XYLT2: variants seen among roughly 807,000 people sequenced by gnomAD.
XYLT2 encodes xylosyltransferase 2.
XYLT2 carries 37 observed loss-of-function variants against 82.6 expected under a neutral mutation model. The ratio of observed to expected loss-of-function variants is 0.45; its 90% CI spans 0.34 to 0.59. The LOEUF (loss-of-function observed/expected upper bound fraction) is 0.59. Among genes scored for constraint, XYLT2 ranks in the 20% least tolerant of loss-of-function variants. The pLI, the probability that XYLT2 is intolerant of heterozygous loss-of-function variation, is 0.01. For missense variants in XYLT2, 934 were observed against 1,181.3 expected (o/e 0.79, Z 3.07); for synonymous variants, 474 against 499.0 (o/e 0.95, Z 0.67).
At position 50,360,989 on chromosome 17, in the gene XYLT2, A is replaced by G. The variant is rs1912784329; in HGVS notation, c.*698A>G. The G allele has an allele frequency of 1.0e-6, 1 of 985,886 alleles. No homozygotes were observed. The highest frequency in any genetic ancestry group is 1.2e-6 in the Non-Finnish European group (1 of 829,948). The allele number at this position is 985,886 out of a possible 1,614,324, so 61.1% of individuals were successfully genotyped here. A position where few individuals can be genotyped will look rare whatever the true frequency, so the allele number is the denominator to read the frequency against. ...GGAAAGGCAGGGTCAGGGCCCACTGAGACCCATGCAGAGTTTCCAGGTGTG... is the reference window on the plus strand; with the variant it reads ...GGAAAGGCAGGGTCAGGGCCCACTGGGACCCATGCAGAGTTTCCAGGTGTG... On this transcript the variant is annotated 3_prime_UTR_variant, in exon 11 of 11. Coordinates refer to ENST00000017003, the MANE Select transcript of XYLT2 (RefSeq NM_022167.4).
chr17:50,356,763 C>A lies in XYLT2; in HGVS notation c.1735C>A (p.Pro579Thr), dbSNP rs749710337. 6.2e-7 allele frequency: 1 copy of A among 1,602,934 alleles called. No homozygotes were observed. The highest frequency in any genetic ancestry group is 1.7e-5 in the Admixed American group (1 of 59,988). ...AATAAPPMGT[P>T]LCRFEPRGLP... ...CACTGCTGCACCCCCAATGGGCACC[C>A]CACTCTGCAGGTGAGACCCCCTTCT... Residue 579 changes from proline to threonine, a missense_variant, in exon 8 of 11, where the codon CCA becomes ACA. Physicochemically the swap from Pro to Thr is conservative, Grantham distance 38. Transcript: ENST00000017003.
At chr17:50,352,960 G>A (rs28646221) in intron 1 of XYLT2, among the ~76,000 whole-genome samples, 7,187 of 152,242 alleles carry the variant, frequency 0.047, 589 homozygotes, top group African/African-American at 0.16. Context: ...TTGCATGGCC[G>A]TCTCCTTTGC....
chr17:50,351,524 C>T (rs570399061), intron 1 of XYLT2, among the ~76,000 whole-genome samples: 2 of 152,272 alleles, frequency 1.3e-5, no homozygotes, highest in Non-Finnish European at 2.9e-5. Flanking sequence ...GTCCCAGCCT[C>T]TCGGGAGGCT....
At position 50,356,491 on chromosome 17, in the gene XYLT2, C is replaced by T. The variant is rs200066656; in HGVS notation, c.1483-20C>T. 6.4e-4 allele frequency: 1,039 copies of T among 1,612,286 alleles called. No homozygotes were observed. The highest frequency in any genetic ancestry group is 1.1e-3 in the Admixed American group (66 of 59,962). ...TGGGGCTTCCAGAGCCCTTCACCCT[C>T]CTTGCCTCTCCCACTCCAGCAAGTC... On this transcript the variant is annotated intron_variant, in intron 7 of 10. Transcript: ENST00000017003.
chr17:50,350,178 G>C (rs548422378), intron 1 of XYLT2, among the ~76,000 whole-genome samples: 12 of 16,424 alleles, frequency 7.3e-4, no homozygotes, highest in South Asian at 6.6e-3. Context: ...GTGAGACTGC[G>C]TCTCAAAAAA....
At position 50,356,716 on chromosome 17, in the gene XYLT2, GC is replaced by G; in HGVS notation, c.1690del (p.Leu564SerfsTer43). On this transcript the variant is annotated frameshift_variant, in exon 8 of 11. Transcript: ENST00000017003. LOFTEE classifies it high-confidence loss of function. ...CTCACTGCTTACACAGCCTTCGCCCGCCTCAGCCTGCACCATGCCGCCACTG... is the reference window on the plus strand; with the variant it reads ...CTCACTGCTTACACAGCCTTCGCCCGCTCAGCCTGCACCATGCCGCCACTG... ...VMLTAYTAFA[R>X]LSLHHAATAA... 1 of 1,609,928 alleles carries G rather than the reference GC, an allele frequency of 6.2e-7. No homozygotes were observed. Among genetic ancestry groups the G allele is most frequent in the Non-Finnish European group, 8.5e-7 (1 of 1,179,936 alleles).
At chr17:50,357,297 C>T (rs766619979) in intron 9 of XYLT2, 45 bp downstream of exon 9, 1 of 1,495,766 alleles carries the variant, frequency 6.7e-7, no homozygotes, top group Non-Finnish European at 8.9e-7. Flanking sequence ...CCCACCCAGA[C>T]TTGGGGTAGT....
In XYLT2 at chr17:50,356,607, C is replaced by G; in HGVS notation, c.1579C>G (p.Pro527Ala). The change falls in exon 8 of 11, where the codon CCC (proline) becomes GCC (alanine). Residue 527 changes from proline to alanine, a missense_variant. Around this residue, in one of 3 missense-constraint regions of XYLT2, gnomAD observed 374 missense variants for 465.6 expected, o/e 0.80. Coordinates refer to ENST00000017003, the MANE Select transcript of XYLT2 (RefSeq NM_022167.4). Reference protein sequence around the residue: ...ILDFHLYGSYPPGTPALKAYW... With the variant: ...ILDFHLYGSYAPGTPALKAYW... ...GGACTTCCACCTGTATGGCAGCTAC[C>G]CCCCCGGCACGCCAGCCCTCAAGGC... is the stretch of plus-strand genomic sequence containing the variant. 2 of 1,614,098 alleles carry G rather than the reference C, an allele frequency of 1.2e-6. No homozygotes were observed. The highest frequency in any genetic ancestry group is 8.5e-7 in the Non-Finnish European group (1 of 1,180,000).
Position 50,356,136 on chromosome 17 carries a change from G to A in XYLT2, c.1357G>A (p.Asp453Asn). 2 of 1,614,232 alleles carry A rather than the reference G, an allele frequency of 1.2e-6. No individual in the cohort carries two copies. Among genetic ancestry groups the A allele is most frequent in the Non-Finnish European group, 8.5e-7 (1 of 1,180,036 alleles). ...CAGCCTGGCCTGTGAGACCCTCGTG[G>A]ACAACAACCTGCGGGTCACCAACTG... ...ENSLACETLV[D>N]NNLRVTNWNR... The change falls in exon 7 of 11, where the codon GAC becomes AAC. Residue 453 changes from aspartate (D) to asparagine (N), a missense_variant. Asp to Asn is a conservative substitution (Grantham distance 23). Coordinates refer to ENST00000017003, the MANE Select transcript of XYLT2 (RefSeq NM_022167.4).
In XYLT2 at chr17:50,360,859, C is replaced by T. The variant is rs1028463612; in HGVS notation, c.*568C>T. 1.1e-5 allele frequency: 11 copies of T among 985,776 alleles called. No individual in the cohort carries two copies. Among genetic ancestry groups the T allele is most frequent in the South Asian group, 4.7e-5 (1 of 21,294 alleles). 61.1% of individuals were successfully genotyped at this position (985,776 alleles called of 1,614,324 possible). A position where few individuals can be genotyped will look rare whatever the true frequency, so the allele number is the denominator to read the frequency against. On this transcript the variant is annotated 3_prime_UTR_variant, in exon 11 of 11. Transcript: ENST00000017003. ...CCCGAAGAACAGGTGATATCGGGGG[C>T]GCTGCAGAGCTGGGCTCTAGCAGGA...
chr17:50,356,579 C>A lies in XYLT2; in HGVS notation c.1551C>A (p.Ile517=), dbSNP rs373325501. 1.9e-6 allele frequency: 3 copies of A among 1,614,040 alleles called. No homozygotes were observed. The highest frequency in any genetic ancestry group is 1.3e-5 in the African/African-American group (1 of 74,920). Residue 517 remains isoleucine, a synonymous_variant, in exon 8 of 11, where the codon ATC becomes ATA. Coordinates refer to ENST00000017003, the MANE Select transcript of XYLT2 (RefSeq NM_022167.4). ...ESTVNQEVLE[I]LDFHLYGSYP... ...CTGTGAACCAGGAGGTGCTGGAAAT[C>A]CTGGACTTCCACCTGTATGGCAGCT...
chr17:50,360,553 T>C lies in XYLT2; in HGVS notation c.*262T>C, dbSNP rs1045668665. On this transcript the variant is annotated 3_prime_UTR_variant, in exon 11 of 11. Coordinates refer to ENST00000017003, the MANE Select transcript of XYLT2 (RefSeq NM_022167.4). ...AGCTCTTCCTCACCTTCCTGTCTAG[T>C]TTGAATTTCTTTTTTTTCTTTTTTT... 1.6e-5 allele frequency: 19 copies of C among 1,222,914 alleles called. No individual in the cohort carries two copies. Among genetic ancestry groups the C allele is most frequent in the Non-Finnish European group, 1.9e-5 (19 of 983,888 alleles). 75.8% of individuals were successfully genotyped at this position (1,222,914 alleles called of 1,614,324 possible).
chr17:50,357,354 C>T, intron 9 of XYLT2, 102 bp downstream of exon 9: 1 of 1,236,364 alleles, frequency 8.1e-7, no homozygotes, highest in South Asian at 1.6e-5. Flanking sequence ...TTATTTTTCC[C>T]AGTCATGGCA....
chr17:50,359,991 AG>A lies in XYLT2; in HGVS notation c.2301del (p.Pro768HisfsTer14). ...CAGATGATGCCAGCTGGCTGCACGC[AG>A]GGCCACCCCACAACGAGTACATGGA... ...RKDDASWLHAGPPHNEYMEQS... is the reference protein window; with the variant it reads ...RKDDASWLHAXPPHNEYMEQS... On this transcript the variant is annotated frameshift_variant, in exon 11 of 11. Coordinates refer to ENST00000017003, the MANE Select transcript of XYLT2 (RefSeq NM_022167.4). LOFTEE classifies it high-confidence loss of function. The A allele has an allele frequency of 6.2e-7, 1 of 1,607,280 alleles. No individual in the cohort carries two copies. The highest frequency in any genetic ancestry group is 8.5e-7 in the Non-Finnish European group (1 of 1,175,730).
At chr17:50,350,093 G>C (rs558982689) in intron 1 of XYLT2, among the ~76,000 whole-genome samples, 1 of 145,006 alleles carries the variant, frequency 6.9e-6, no homozygotes, top group Non-Finnish European at 1.5e-5. Flanking sequence ...TGAGGCACGA[G>C]AATCGCTTGA....
chr17:50,358,242 C>G lies in XYLT2; in HGVS notation c.1977C>G (p.Phe659Leu), dbSNP rs1912636461. ...GTDWDPKERL[F>L]RNFGGLLGPL... ...ATTGGGACCCCAAAGAGCGTCTTTT[C>G]CGGAACTTTGGGGGGTTACTGGGGC... The change falls in exon 10 of 11, where the codon TTC (phenylalanine) becomes TTG (leucine). Residue 659 changes from phenylalanine to leucine, a missense_variant. Around this residue, in one of 3 missense-constraint regions of XYLT2, gnomAD observed 374 missense variants for 465.6 expected, o/e 0.80. Transcript: ENST00000017003. 1 of 1,610,664 alleles carries G rather than the reference C, an allele frequency of 6.2e-7. No homozygotes were observed. Among genetic ancestry groups the G allele is most frequent in the African/African-American group, 1.3e-5 (1 of 74,798 alleles).
Position 50,354,503 on chromosome 17 carries a change from G to A in XYLT2, c.724G>A (p.Gly242Ser), listed in dbSNP as rs1324545365. 9.3e-6 allele frequency: 15 copies of A among 1,613,222 alleles called. No individual in the cohort carries two copies. The East Asian group carries it at 1.1e-4, about 12-fold the overall frequency. ...AATCGCCTACATGCTGGTGGTTCACGGCCGCGCCATCCGCCAGCTGAAGCG... is the reference window on the plus strand; with the variant it reads ...AATCGCCTACATGCTGGTGGTTCACAGCCGCGCCATCCGCCAGCTGAAGCG... ...VRIAYMLVVH[G>S]RAIRQLKRLL... is the part of the protein sequence containing the mutation. Residue 242 changes from glycine to serine, a missense_variant, in exon 3 of 11, where the codon GGC becomes AGC. Coordinates refer to ENST00000017003, the MANE Select transcript of XYLT2 (RefSeq NM_022167.4).
Position 50,355,899 on chromosome 17 carries a change from G to A in XYLT2, c.1207G>A (p.Val403Met), listed in dbSNP as rs1023826186. 5.6e-6 allele frequency: 9 copies of A among 1,614,242 alleles called. No homozygotes were observed. Among genetic ancestry groups the A allele is most frequent in the East Asian group, 4.5e-5 (2 of 44,890 alleles). Residue 403 changes from valine to methionine, a missense_variant, in exon 6 of 11, where the codon GTG becomes ATG. Coordinates refer to ENST00000017003, the MANE Select transcript of XYLT2 (RefSeq NM_022167.4). ...GGTGGATGGCGGTTCTGACTGGTTC[G>A]TGCTGACACGCAGCTTTGTGGAGTA... ...IVVDGGSDWF[V>M]LTRSFVEYVV...
intron 10 of XYLT2, chr17:50,358,897 C>T (rs1912675433): frequency 4.9e-6 from 1 of 205,248 alleles, no homozygotes; most frequent in Admixed American, 5.2e-5. Flanking sequence ...TCCACTCAAC[C>T]TAGCTTGAGT....
Sources: allele counts gnomAD v4.1 joint callset (sites outside exome capture counted in the v4.1 genomes callset), GRCh38; gene constraint gnomAD v4.1.1; regional missense constraint gnomAD v4.1.1; transcripts MANE v1.5; gene names NCBI Gene and HGNC (gene_info 2026-07-23, HGNC 2026-07-21).